Variants in BPTF observed in about 807,000 individuals in gnomAD.
The protein encoded by BPTF is bromodomain PHD finger transcription factor, also known as nucleosome-remodeling factor subunit BPTF.
Under a neutral mutation model 292.5 loss-of-function variants are expected in BPTF, and 18 were observed. The observed-to-expected ratio is 0.06, with a 90% confidence interval of 0.04 to 0.09. The LOEUF is 0.09. Among genes scored for constraint, BPTF ranks in the 10% least tolerant of loss-of-function variants. The pLI, the probability that BPTF is intolerant of heterozygous loss-of-function variation, is 1.00. For synonymous variants in BPTF, 1,225 were observed against 1,251.9 expected (o/e 0.98, Z 0.45); for missense variants, 2,726 against 3,498.7 (o/e 0.78, Z 5.57).
In BPTF at chr17:67,959,913, A is replaced by T. The variant is rs367605541; in HGVS notation, c.8261+38A>T. On this transcript the variant is annotated intron_variant, in intron 24 of 27. Transcript: ENST00000306378. Reference sequence around the variant, plus strand: ...TTTTGAGCTCTAGTTTTTTGTCTTGAAAGTTTAGCTATTAAATTGGATTTT... The same window carrying T: ...TTTTGAGCTCTAGTTTTTTGTCTTGTAAGTTTAGCTATTAAATTGGATTTT... 2.1e-6 allele frequency: 3 copies of T among 1,401,752 alleles called. No homozygotes were observed. In the Admixed American group the frequency reaches 7.6e-5, roughly 35 times the overall value. The allele number at this position is 1,401,752 out of a possible 1,614,324, so 86.8% of individuals were successfully genotyped here.
At chr17:67,961,658 G>A (rs573774103) in intron 24 of BPTF, among the ~76,000 whole-genome samples, 1 of 152,166 alleles carries the variant, frequency 6.6e-6, no homozygotes, top group Admixed American at 6.6e-5. Flanking sequence ...ACCAGTCTGG[G>A]CAACATAGAG....
chr17:67,981,784 T>C (rs1555696706), intron 27 of BPTF: 4 of 944,916 alleles, frequency 4.2e-6, no homozygotes, highest in South Asian at 4.9e-5. Context: ...TGGACTTTAA[T>C]AGAAAAATGT....
At chr17:67,853,878 A>C in intron 1 of BPTF, 62 bp from the exon 2 acceptor site, 1 of 1,345,950 alleles carries the variant, frequency 7.4e-7, no homozygotes, top group Non-Finnish European at 1.0e-6. Context: ...ATGTTCAAAT[A>C]GGAAATTTGT....
chr17:67,882,055 G>C (rs1033257375), intron 4 of BPTF, among the ~76,000 whole-genome samples: 8 of 151,676 alleles, frequency 5.3e-5, no homozygotes, highest in African/African-American at 1.9e-4. Flanking sequence ...GGCTGGTCTC[G>C]AACTCCTGAC....
intron 4 of BPTF, among the ~76,000 whole-genome samples, chr17:67,880,592 A>C (rs1172573839): frequency 1.3e-5 from 2 of 152,184 alleles, no homozygotes; most frequent in East Asian, 3.9e-4. Flanking sequence ...TATATTGCTT[A>C]ATATTCAAAC....
chr17:67,828,316 A>G (rs1348414565), intron 1 of BPTF, among the ~76,000 whole-genome samples: 1 of 152,134 alleles, frequency 6.6e-6, no homozygotes, highest in Non-Finnish European at 1.5e-5. Context: ...TGAAACACGG[A>G]GACTGAATTG....
chr17:67,889,826 C>T (rs942086524), intron 4 of BPTF, among the ~76,000 whole-genome samples: 18 of 151,600 alleles, frequency 1.2e-4, no homozygotes, highest in Non-Finnish European at 1.9e-4. Flanking sequence ...AGAAAAAAAA[C>T]CTCCATGATC....
intron 4 of BPTF, among the ~76,000 whole-genome samples, chr17:67,882,259 G>A (rs1362149982): frequency 6.6e-6 from 1 of 151,978 alleles, no homozygotes; most frequent in Non-Finnish European, 1.5e-5. Context: ...ATGATATTTA[G>A]AGACCACAGT....
chr17:67,876,453 A>G (rs1176895496), intron 4 of BPTF, among the ~76,000 whole-genome samples: 1 of 152,166 alleles, frequency 6.6e-6, no homozygotes, highest in Non-Finnish European at 1.5e-5. Flanking sequence ...CTCCAGAAGA[A>G]CCACAGCAAT....
At chr17:67,921,770 G>A (rs1327602971) in intron 13 of BPTF, among the ~76,000 whole-genome samples, 3 of 152,036 alleles carry the variant, frequency 2.0e-5, no homozygotes, top group African/African-American at 4.8e-5. Flanking sequence ...GGTGGCTTCC[G>A]CCTGTAATTC....
At chr17:67,834,644 C>G (rs1037471241) in intron 1 of BPTF, among the ~76,000 whole-genome samples, 1 of 152,158 alleles carries the variant, frequency 6.6e-6, no homozygotes, top group Non-Finnish European at 1.5e-5. Flanking sequence ...ATTTTATCCT[C>G]TTAATTATTT....
chr17:67,945,421 A>G lies in BPTF; in HGVS notation c.6713A>G (p.Gln2238Arg). Residue 2238 changes from glutamine (Q) to arginine (R), a missense_variant, in exon 21 of 28, where the codon CAA (glutamine) becomes CGA (arginine). By Grantham distance (43) the Gln-to-Arg change is conservative. Coordinates refer to ENST00000306378, the MANE Select transcript of BPTF (RefSeq NM_182641.4). ...VSTTAAGTGEQRQSKLSPQMQ... is the reference protein window; with the variant it reads ...VSTTAAGTGERRQSKLSPQMQ... ...TTCCTTTTTACAGGTACAGGTGAACAAAGGCAGAGTAAACTGTCACCCCAG... is the reference window on the plus strand; with the variant it reads ...TTCCTTTTTACAGGTACAGGTGAACGAAGGCAGAGTAAACTGTCACCCCAG... The G allele has an allele frequency of 6.2e-7, 1 of 1,613,168 alleles. No homozygotes were observed. Among genetic ancestry groups the G allele is most frequent in the Middle Eastern group, 1.7e-4 (1 of 6,058 alleles).
chr17:67,930,958 A>C (rs905664722), intron 17 of BPTF, among the ~76,000 whole-genome samples: 15 of 151,956 alleles, frequency 9.9e-5, no homozygotes, highest in African/African-American at 3.6e-4. Context: ...CTGTCTCAAA[A>C]AAAAAAAAAA....
chr17:67,857,782 CTTTTTT>C (rs35999365), intron 2 of BPTF, among the ~76,000 whole-genome samples: 2 of 103,474 alleles, frequency 1.9e-5, no homozygotes, highest in African/African-American at 7.6e-5. Flanking sequence ...ATATTTCTTT[CTTTTTT>C]TTTTTTTTTT....
chr17:67,930,836 T>C (rs1432517078), intron 17 of BPTF, among the ~76,000 whole-genome samples: 1 of 151,796 alleles, frequency 6.6e-6, no homozygotes, highest in Admixed American at 6.6e-5. Flanking sequence ...TCCCAGCTAT[T>C]CCCAGCTGCT....
chr17:67,862,039 A>G (rs928811043), intron 2 of BPTF, among the ~76,000 whole-genome samples: 36 of 152,104 alleles, frequency 2.4e-4, no homozygotes, highest in African/African-American at 6.3e-4. Context: ...GCAGTGGCAC[A>G]ACCTTGCTTC....
In BPTF at chr17:67,842,255, CTACA is replaced by C. The variant is rs1306970787; in HGVS notation, c.614-11678_614-11675del. Among the ~76,000 whole-genome samples the C allele has an allele frequency of 3.3e-5, 5 of 152,174 alleles. No homozygotes were observed. In the East Asian group the frequency reaches 9.6e-4, roughly 29 times the overall value. On this transcript the variant is annotated intron_variant, in intron 1 of 27. Coordinates refer to ENST00000306378, the MANE Select transcript of BPTF (RefSeq NM_182641.4). ...TCTACATACATTGACAGATATATAT[CTACA>C]TACATATACAATGCATGCATGATAC...
intron 13 of BPTF, among the ~76,000 whole-genome samples, chr17:67,920,853 A>G (rs1471085607): frequency 6.6e-6 from 1 of 152,136 alleles, no homozygotes; most frequent in African/African-American, 2.4e-5. Flanking sequence ...GATTGAAAAT[A>G]TATAAATTCC....
intron 4 of BPTF, among the ~76,000 whole-genome samples, chr17:67,889,022 C>T (rs1399382742): frequency 6.6e-6 from 1 of 152,180 alleles, no homozygotes; most frequent in Non-Finnish European, 1.5e-5. Context: ...TCCACTTCCT[C>T]AGTTTATCTG....
Sources: allele counts gnomAD v4.1 joint callset (sites outside exome capture counted in the v4.1 genomes callset), GRCh38; gene constraint gnomAD v4.1.1; transcripts MANE v1.5; gene names NCBI Gene and HGNC (gene_info 2026-07-23, HGNC 2026-07-21).